WDPCP: variants seen among roughly 807,000 people sequenced by gnomAD.
WDPCP encodes the protein WD repeat-containing and planar cell polarity effector protein fritz homolog.
WDPCP carries 71 observed loss-of-function variants against 93.1 expected under a neutral mutation model. The observed-to-expected ratio is 0.76, with a 90% CI of 0.63 to 0.93. WDPCP has a LOEUF of 0.93. Among genes scored for constraint, WDPCP ranks in the 40% least tolerant of loss-of-function variants. The pLI, the probability that WDPCP is intolerant of heterozygous loss-of-function variation, is 0.00. For missense variants in WDPCP, 844 were observed against 887.4 expected (o/e 0.95, Z 0.62); for synonymous variants, 315 against 315.0 (o/e 1.00, Z 0.00).
intron 14 of WDPCP, among the ~76,000 whole-genome samples, chr2:63,211,968 T>C (rs911301905): frequency 2.0e-5 from 3 of 152,166 alleles, no homozygotes; most frequent in Non-Finnish European, 4.4e-5. Context: ...ATGGGGACTA[T>C]GTGAAAAGAC....
intron 13 of WDPCP, among the ~76,000 whole-genome samples, chr2:63,296,077 A>G (rs1684828736): frequency 6.6e-6 from 1 of 152,090 alleles, no homozygotes; most frequent in South Asian, 2.1e-4. Flanking sequence ...ACAACATATT[A>G]AAAAGGTAAC....
intron 15 of WDPCP, among the ~76,000 whole-genome samples, chr2:63,154,335 C>A (rs1167065983): frequency 6.6e-6 from 1 of 152,088 alleles, no homozygotes; most frequent in African/African-American, 2.4e-5. Flanking sequence ...TACACCCTGG[C>A]AACCACAGAT....
At chr2:63,321,097 A>G (rs1318031253) in intron 12 of WDPCP, among the ~76,000 whole-genome samples, 1 of 152,122 alleles carries the variant, frequency 6.6e-6, no homozygotes, top group East Asian at 1.9e-4. Flanking sequence ...TTCATCAGGA[A>G]GACCCAACAA....
chr2:63,538,676 A>G (rs1704491322), intron 1 of WDPCP, among the ~76,000 whole-genome samples: 1 of 152,190 alleles, frequency 6.6e-6, no homozygotes, highest in Non-Finnish European at 1.5e-5. Flanking sequence ...CACCTCCTTT[A>G]AAAACATTCA....
chr2:63,327,854 C>G (rs1188397199), intron 12 of WDPCP, among the ~76,000 whole-genome samples: 3 of 152,132 alleles, frequency 2.0e-5, no homozygotes, highest in Non-Finnish European at 2.9e-5. Context: ...CAAATGGAAC[C>G]CCAAATGAGT....
intron 2 of WDPCP, among the ~76,000 whole-genome samples, chr2:63,799,763 G>A (rs1394316504): frequency 6.6e-6 from 1 of 152,098 alleles, no homozygotes; most frequent in African/African-American, 2.4e-5. Context: ...TTATCCCCTA[G>A]GCTAGTAGTT....
the WDPCP span, among the ~76,000 whole-genome samples, chr2:63,840,568 CCCCCAACCA>C: frequency 6.6e-6 from 1 of 152,212 alleles, no homozygotes; most frequent in Admixed American, 6.5e-5. Flanking sequence ...TCCTCACCCT[CCCCCAACCA>C]GATGTGATGA....
chr2:63,508,641 A>G (rs1702036613), intron 1 of WDPCP, among the ~76,000 whole-genome samples: 1 of 152,200 alleles, frequency 6.6e-6, no homozygotes, highest in Non-Finnish European at 1.5e-5. Flanking sequence ...ACAGACTGGC[A>G]AACTGAATAG....
At chr2:63,782,740 A>ATGTGTGTGTGTG (rs70965143) in intron 2 of WDPCP, among the ~76,000 whole-genome samples, 3,069 of 141,004 alleles carry the variant, frequency 0.022, 22 homozygotes, top group Non-Finnish European at 0.032. Context: ...CACAGGCAAC[A>ATGTGTGTGTGTG]TGTGTGTGTG....
intron 1 of WDPCP, among the ~76,000 whole-genome samples, chr2:63,526,248 C>T (rs898396215): frequency 2.0e-5 from 3 of 152,114 alleles, no homozygotes; most frequent in Non-Finnish European, 2.9e-5. Flanking sequence ...TCTTGTGTGT[C>T]ATTTTGAGTA....
intron 12 of WDPCP, among the ~76,000 whole-genome samples, chr2:63,348,645 A>G (rs899819076): frequency 5.3e-5 from 8 of 152,150 alleles, no homozygotes; most frequent in African/African-American, 1.7e-4. Flanking sequence ...AATGTTGCAA[A>G]ATGACTACGG....
intron 1 of WDPCP, among the ~76,000 whole-genome samples, chr2:63,585,843 T>TC (rs1306572912): frequency 6.7e-5 from 10 of 149,444 alleles, no homozygotes; most frequent in Non-Finnish European, 1.5e-5. Context: ...TTCTTTTTTT[T>TC]TTTTTTTTTT....
In WDPCP at chr2:63,594,718, G is replaced by T. The variant is rs1204049186; in HGVS notation, n.488+55941C>A. ...TCCCAGTAAATGTAATAGGCACATTGCTATAAATGGAAGCTACTAAGGTAT... is the reference window on the plus strand; with the variant it reads ...TCCCAGTAAATGTAATAGGCACATTTCTATAAATGGAAGCTACTAAGGTAT... On this transcript the variant is annotated intron_variant and non_coding_transcript_variant, in intron 3 of 4. Coordinates refer to the WDPCP transcript ENST00000467687. The T allele has an allele frequency of 4.6e-6, 3 of 653,314 alleles. No homozygotes were observed. In the East Asian group the frequency reaches 8.6e-5, roughly 19 times the overall value. The allele number at this position is 653,314 out of a possible 1,614,324, so 40.5% of individuals were successfully genotyped here.
At chr2:63,215,008 C>T (rs778492427) in intron 14 of WDPCP, among the ~76,000 whole-genome samples, 35 of 152,136 alleles carry the variant, frequency 2.3e-4, no homozygotes, top group East Asian at 3.9e-4. Flanking sequence ...TCCATGCTCA[C>T]GGATAGGAAG....
chr2:63,219,303 A>G (rs531522607), intron 14 of WDPCP, among the ~76,000 whole-genome samples: 52 of 152,342 alleles, frequency 3.4e-4, no homozygotes, highest in African/African-American at 1.2e-3. Flanking sequence ...AAGTCACTGA[A>G]GCAGACATAA....
At chr2:63,722,481 C>A (rs1669432548) in intron 2 of WDPCP, among the ~76,000 whole-genome samples, 1 of 144,214 alleles carries the variant, frequency 6.9e-6, no homozygotes, top group South Asian at 2.2e-4. Context: ...AGTGAGGAGC[C>A]CCTCCGCCCG....
intron 12 of WDPCP, among the ~76,000 whole-genome samples, chr2:63,317,710 G>A (rs1309153147): frequency 2.6e-5 from 4 of 152,044 alleles, no homozygotes; most frequent in Non-Finnish European, 4.4e-5. Context: ...CTGGATAGTC[G>A]TATACAGATG....
At chr2:63,840,775 G>A in the WDPCP span, among the ~76,000 whole-genome samples, 2 of 152,222 alleles carry the variant, frequency 1.3e-5, no homozygotes, top group East Asian at 3.9e-4. Flanking sequence ...TTCCCTGGCC[G>A]CAACGCCGCC....
chr2:63,306,714 A>T (rs1326318022), intron 13 of WDPCP, among the ~76,000 whole-genome samples: 1 of 152,230 alleles, frequency 6.6e-6, no homozygotes, highest in Admixed American at 6.5e-5. Flanking sequence ...AAAACTCTCA[A>T]TAAACTAGGT....
Sources: allele counts gnomAD v4.1 joint callset (sites outside exome capture counted in the v4.1 genomes callset), GRCh38; gene constraint gnomAD v4.1.1; transcripts MANE v1.5; gene names NCBI Gene and HGNC (gene_info 2026-07-23, HGNC 2026-07-21).